EXOG: variants seen among roughly 807,000 people sequenced by gnomAD.
The protein encoded by EXOG is exo/endonuclease G.
In EXOG, 27 loss-of-function variants were observed where a neutral mutation model predicts 25.8. The ratio of observed to expected loss-of-function variants is 1.05; its 90% CI spans 0.77 to 1.45. EXOG has a LOEUF of 1.45. EXOG is among the 40% of genes most tolerant of loss of function. EXOG has a pLI of 0.00. For synonymous variants in EXOG, 133 were observed against 167.0 expected (o/e 0.80, Z 1.57); for missense variants, 458 against 450.5 (o/e 1.02, Z -0.15).
rs188161871 is a variant in EXOG at position 38,508,796 on chromosome 3, T to G, written c.645+1828T>G. Among the ~76,000 whole-genome samples the G allele has an allele frequency of 4.4e-3, 656 of 149,606 alleles. 1 individual carries two copies. The highest frequency in any genetic ancestry group is 6.4e-3 in the Non-Finnish European group (434 of 67,492). On this transcript the variant is annotated intron_variant, in intron 5 of 5. Transcript: ENST00000287675. Reference sequence around the variant, plus strand: ...ATTATCAGCCTGTCTAGATCAGATGTGCAGTAATGTCCAAGCATCCAAGGA... The same window carrying G: ...ATTATCAGCCTGTCTAGATCAGATGGGCAGTAATGTCCAAGCATCCAAGGA...
At chr3:38,509,102 AAAGCCCCCTGTATT>A (rs1405849817) in intron 5 of EXOG, among the ~76,000 whole-genome samples, 1 of 152,190 alleles carries the variant, frequency 6.6e-6, no homozygotes, top group Non-Finnish European at 1.5e-5. Context: ...AAAAAGGCTT[AAAGCCCCCTGTATT>A]ATTTTTCAAA....
chr3:38,524,932 T>C lies in EXOG; in HGVS notation c.*570T>C, dbSNP rs916547503. The C allele has an allele frequency of 1.3e-5, 13 of 985,500 alleles. No individual in the cohort carries two copies. The South Asian group carries it at 5.2e-4, about 39-fold the overall frequency. 61.0% of individuals were successfully genotyped at this position (985,500 alleles called of 1,614,324 possible). ...CCAGCCTTCTCAGAACTCAATGTTG[T>C]ACATTTTTCCCTCTAGGACCTGAAT... On this transcript the variant is annotated 3_prime_UTR_variant, in exon 6 of 6. Coordinates refer to ENST00000287675, the MANE Select transcript of EXOG (RefSeq NM_005107.4).
At chr3:38,516,788 C>T (rs1046561885) in intron 5 of EXOG, among the ~76,000 whole-genome samples, 6 of 152,134 alleles carry the variant, frequency 3.9e-5, no homozygotes, top group Middle Eastern at 3.4e-3. Context: ...CTGACTCAGC[C>T]TTTTGTCTTG....
chr3:38,514,329 G>T (rs753743227), intron 5 of EXOG, among the ~76,000 whole-genome samples: 6 of 152,190 alleles, frequency 3.9e-5, no homozygotes, highest in South Asian at 2.1e-4. Context: ...ATAGGATGGT[G>T]GTGGTAGAAA....
chr3:38,517,976 T>G (rs991425156), intron 5 of EXOG, among the ~76,000 whole-genome samples: 1 of 152,232 alleles, frequency 6.6e-6, no homozygotes, highest in Non-Finnish European at 1.5e-5. Flanking sequence ...ATTTTAAACC[T>G]AAAAATCTTT....
chr3:38,524,297 GAGA>G lies in EXOG; in HGVS notation c.1048_1050del (p.Lys350del). ...AGATGATTACTTTATGAGTCGCTAT[GAGA>G]AGAAGCTAGAAGAACTCAAAGCTAA... On this transcript the variant is annotated inframe_deletion, in exon 6 of 6. Transcript: ENST00000287675. The G allele has an allele frequency of 6.2e-7, 1 of 1,613,944 alleles. No homozygotes were observed. The highest frequency in any genetic ancestry group is 1.1e-5 in the South Asian group (1 of 90,998).
chr3:38,510,027 C>G (rs771889927), intron 5 of EXOG, among the ~76,000 whole-genome samples: 1 of 152,108 alleles, frequency 6.6e-6, no homozygotes, highest in Non-Finnish European at 1.5e-5. Flanking sequence ...TTATTAATCA[C>G]AAAGTAAGAA....
rs2060867710 is a variant in EXOG at position 38,526,281 on chromosome 3, A to C, written c.*1919A>C. The C allele has an allele frequency of 1.6e-5, 16 of 976,010 alleles. No homozygotes were observed. The highest frequency in any genetic ancestry group is 1.9e-5 in the Non-Finnish European group (16 of 821,704). The allele number at this position is 976,010 out of a possible 1,614,324, so 60.5% of individuals were successfully genotyped here. A position where few individuals can be genotyped will look rare whatever the true frequency, so the allele number is the denominator to read the frequency against. On this transcript the variant is annotated 3_prime_UTR_variant, in exon 6 of 6. Transcript: ENST00000287675. ...TTCTAAGAGAAATGCCAAGGCTTTC[A>C]GATAAAGATAAGATGATAATGATTG...
At chr3:38,510,044 T>G (rs975626920) in intron 5 of EXOG, among the ~76,000 whole-genome samples, 7 of 152,110 alleles carry the variant, frequency 4.6e-5, no homozygotes, top group Admixed American at 4.6e-4. Context: ...AGAAATAACT[T>G]TACAGTGAAG....
At chr3:38,523,475 T>C (rs1368156217) in intron 5 of EXOG, 1 of 224,734 alleles carries the variant, frequency 4.4e-6, no homozygotes, top group East Asian at 1.8e-4. Context: ...GCAATTCTTC[T>C]GCTTCAGCCT....
chr3:38,503,619 C>T lies in EXOG; in HGVS notation c.458C>T (p.Ala153Val). ...ACTATGTTTCTTTCTTTACAGAAAG[C>T]CATGGCTGAAACCTTTTACCTTTCT... Reference protein sequence around the residue: ...PAGNNKFSSKAMAETFYLSNI... With the variant: ...PAGNNKFSSKVMAETFYLSNI... Residue 153 changes from alanine to valine, a missense_variant, in exon 4 of 6, where the codon GCC becomes GTC. By Grantham distance (64) the Ala-to-Val change is moderately conservative. Transcript: ENST00000287675. The T allele has an allele frequency of 6.3e-7, 1 of 1,584,356 alleles. No homozygotes were observed. Among genetic ancestry groups the T allele is most frequent in the Non-Finnish European group, 8.7e-7 (1 of 1,154,034 alleles).
chr3:38,504,934 G>A (rs779337102), intron 4 of EXOG, among the ~76,000 whole-genome samples: 5 of 152,168 alleles, frequency 3.3e-5, no homozygotes, highest in Non-Finnish European at 7.3e-5. Context: ...GACTTCAGCA[G>A]TTATCAGTCA....
At chr3:38,503,484 T>G (rs2060107989) in intron 3 of EXOG, 131 bp from the exon 4 acceptor site, 2 of 530,690 alleles carry the variant, frequency 3.8e-6, no homozygotes, top group Non-Finnish European at 6.7e-6. Flanking sequence ...TTTCATTTAT[T>G]GAAACAAGTA....
At chr3:38,499,090 T>A in intron 2 of EXOG, 2 of 397,966 alleles carry the variant, frequency 5.0e-6, no homozygotes, top group Non-Finnish European at 1.0e-5. Context: ...TTTTGGTAAG[T>A]TATTCTTTAC....
intron 5 of EXOG, among the ~76,000 whole-genome samples, chr3:38,522,667 G>A (rs867570369): frequency 6.6e-6 from 1 of 152,118 alleles, no homozygotes; most frequent in African/African-American, 2.4e-5. Context: ...ACCACGCCCA[G>A]CTAATTTTGT....
Position 38,508,719 on chromosome 3 carries a change from C to CT in EXOG, c.645+1751_645+1752insT, listed in dbSNP as rs1002117658. On this transcript the variant is annotated intron_variant, in intron 5 of 5. Coordinates refer to ENST00000287675, the MANE Select transcript of EXOG (RefSeq NM_005107.4). ...GAACAGATTGAGGAACCACCCCCCCCCCAAAAAAAAACCAAAACTTTTAGA... is the reference window on the plus strand; with the variant it reads ...GAACAGATTGAGGAACCACCCCCCCCTCCAAAAAAAAACCAAAACTTTTAGA... Among the ~76,000 whole-genome samples the CT allele has an allele frequency of 4.7e-5, 7 of 149,576 alleles. 1 individual carries two copies. The highest frequency in any genetic ancestry group is 2.1e-4 in the South Asian group (1 of 4,678).
rs575049916 is a variant in EXOG, at chr3:38,514,221, C to T, written c.645+7253C>T. Among the ~76,000 whole-genome samples, 4 of 152,330 alleles carry T rather than the reference C, an allele frequency of 2.6e-5. No homozygotes were observed. In the East Asian group the frequency reaches 5.8e-4, roughly 22 times the overall value. On this transcript the variant is annotated intron_variant, in intron 5 of 5. Coordinates refer to ENST00000287675, the MANE Select transcript of EXOG (RefSeq NM_005107.4). The stretch of plus-strand genomic sequence containing the variant: ...CATAATCTGGTTTACATTTTTAAAG[C>T]ACACACTGGCTTCTTGTGAAGAACA...
intron 3 of EXOG, 48 bp from the exon 4 acceptor site, chr3:38,503,567 A>C (rs372901191): frequency 1.1e-4 from 113 of 1,028,896 alleles, no homozygotes; most frequent in Non-Finnish European, 1.5e-4. Context: ...AATATCTTTT[A>C]AAGGGGAAAG....
rs140085659 is a variant in EXOG, at chr3:38,524,013, A to G, written c.758A>G (p.Asn253Ser). ...GCGCTAGGGGCCTTTGTGGTACCCAATGAAGCCATCGGCTTCCAGCCCCAG... is the reference window on the plus strand; with the variant it reads ...GCGCTAGGGGCCTTTGTGGTACCCAGTGAAGCCATCGGCTTCCAGCCCCAG... ...PLALGAFVVP[N>S]EAIGFQPQLT... The change falls in exon 6 of 6, where the codon AAT (asparagine) becomes AGT (serine). Residue 253 changes from asparagine to serine, a missense_variant. Around this residue, in one of 3 missense-constraint regions of EXOG, gnomAD observed 178 missense variants for 203.7 expected, o/e 0.87. Transcript: ENST00000287675. The G allele has an allele frequency of 3.3e-4, 531 of 1,614,170 alleles. 3 individuals carry two copies. In the East Asian group the frequency reaches 7.1e-3, roughly 22 times the overall value.
Sources: gnomAD v4.1 joint callset for allele counts (sites outside exome capture counted in the v4.1 genomes callset) on GRCh38, gnomAD v4.1.1 for gene constraint, gnomAD v4.1.1 regional missense constraint, MANE v1.5 for transcripts, NCBI Gene and HGNC (gene_info 2026-07-23, HGNC 2026-07-21) for gene names.